The following PTPN4 variants were observed in gnomAD, a reference collection of about 807,000 sequenced individuals.
PTPN4 encodes protein tyrosine phosphatase non-receptor type 4.
Under a neutral mutation model 135.5 loss-of-function variants are expected in PTPN4, and 49 were observed. The observed-to-expected ratio is 0.36, with a 90% CI of 0.29 to 0.46. The LOEUF (loss-of-function observed/expected upper bound fraction) is 0.46, where lower values mean the gene tolerates loss of function less well. Ranked by LOEUF, PTPN4 falls within the 20% of genes least tolerant of loss-of-function variation. The pLI is 1.00. For missense variants in PTPN4, 860 were observed against 1,101.0 expected (o/e 0.78, Z 3.10); for synonymous variants, 333 against 369.9 (o/e 0.90, Z 1.14).
chr2:119,888,432 G>C (rs1057148518), intron 9 of PTPN4, among the ~76,000 whole-genome samples: 2 of 152,080 alleles, frequency 1.3e-5, no homozygotes, highest in African/African-American at 4.8e-5. Context: ...CCAGTTCTTA[G>C]GGGGAACAAT....
At chr2:119,889,938 A>G (rs749095457) in intron 9 of PTPN4, among the ~76,000 whole-genome samples, 13 of 152,194 alleles carry the variant, frequency 8.5e-5, no homozygotes, top group Non-Finnish European at 1.8e-4. Flanking sequence ...GGCCAAACAT[A>G]TGGCCTATCT....
At chr2:119,885,754 G>T (rs1441276670) in intron 8 of PTPN4, 41 bp from the exon 9 acceptor site, 2 of 1,344,328 alleles carry the variant, frequency 1.5e-6, no homozygotes, top group Admixed American at 2.3e-5. Context: ...TTATTTGATT[G>T]ATTGATTGAT....
Position 119,915,411 on chromosome 2 carries a change from CA to C in PTPN4, c.828+170del, listed in dbSNP as rs879004498. 62 of 467,564 alleles carry C rather than the reference CA, an allele frequency of 1.3e-4. No individual in the cohort carries two copies. The South Asian group carries it at 2.5e-3, about 19-fold the overall frequency. The allele number at this position is 467,564 out of a possible 1,614,324, so 29.0% of individuals were successfully genotyped here. On this transcript the variant is annotated intron_variant, in intron 11 of 26. Transcript: ENST00000263708. The stretch of plus-strand genomic sequence containing the variant: ...TTATAACAAAATGTACTTGTTTTTC[CA>C]GTGTGTATGTGGTTCTAATTTAAAG...
At chr2:119,885,999 C>A in intron 9 of PTPN4, 117 bp downstream of exon 9, 3 of 642,714 alleles carry the variant, frequency 4.7e-6, no homozygotes, top group Non-Finnish European at 7.7e-6. Flanking sequence ...CACAGCTGCA[C>A]TGAAAATTTC....
In PTPN4 at chr2:119,984,082, A is replaced by C. The variant is rs1249861197; in HGVS notation, c.*7012A>C. 6.6e-6 allele frequency among the ~76,000 whole-genome samples: 1 copy of C among 152,228 alleles called. No homozygotes were observed. The highest frequency in any genetic ancestry group is 1.5e-5 in the Non-Finnish European group (1 of 68,046). Reference sequence around the variant, plus strand: ...CCAGTAGACTCTATCTGCTTAAAAAAATAAAAATTGTTCAACCCAGTGTTC... The same window carrying C: ...CCAGTAGACTCTATCTGCTTAAAAACATAAAAATTGTTCAACCCAGTGTTC... On this transcript the variant is annotated 3_prime_UTR_variant, in exon 27 of 27. Coordinates refer to ENST00000263708, the MANE Select transcript of PTPN4 (RefSeq NM_002830.4).
chr2:119,863,854 T>TAG, intron 3 of PTPN4, among the ~76,000 whole-genome samples: 1 of 152,288 alleles, frequency 6.6e-6, no homozygotes, highest in East Asian at 1.9e-4. Context: ...TTCAGGGGCC[T>TAG]AGAGTTATAC....
intron 10 of PTPN4, among the ~76,000 whole-genome samples, chr2:119,904,572 C>T (rs1028648301): frequency 1.6e-4 from 25 of 152,036 alleles, no homozygotes; most frequent in African/African-American, 5.6e-4. Context: ...ACATTCAACC[C>T]GAAAAGGTCT....
At chr2:119,864,548 G>A (rs1334615329) in intron 3 of PTPN4, among the ~76,000 whole-genome samples, 2 of 151,954 alleles carry the variant, frequency 1.3e-5, no homozygotes. Flanking sequence ...CGGGGTAAGT[G>A]ACAAGATGAC....
intron 3 of PTPN4, 81 bp downstream of exon 3, chr2:119,862,724 GT>G: frequency 8.7e-7 from 1 of 1,147,552 alleles, no homozygotes; most frequent in Non-Finnish European, 1.2e-6. Context: ...GATTTACAGT[GT>G]TCACTGATTT....
At chr2:119,761,430 G>C (rs1558717165) in intron 1 of PTPN4, among the ~76,000 whole-genome samples, 1 of 152,142 alleles carries the variant, frequency 6.6e-6, no homozygotes, top group African/African-American at 2.4e-5. Flanking sequence ...TAATGGAATA[G>C]AGCTAGGTAT....
intron 1 of PTPN4, among the ~76,000 whole-genome samples, chr2:119,802,166 G>A (rs1691388485): frequency 6.6e-6 from 1 of 152,112 alleles, no homozygotes; most frequent in African/African-American, 2.4e-5. Flanking sequence ...GCCTCCCAAA[G>A]TGCTGGGATT....
In PTPN4 at chr2:119,951,076, G is replaced by C. The variant is rs1165394231; in HGVS notation, c.1657-897G>C. On this transcript the variant is annotated intron_variant, in intron 18 of 26. Transcript: ENST00000263708. ...TTCTTGTGAAAACTCATTATGAGTA[G>C]TTTAAACGGTGCTTGCCTCCTCCCC... 1.3e-5 allele frequency among the ~76,000 whole-genome samples: 2 copies of C among 152,204 alleles called. 1 individual carries two copies. Among genetic ancestry groups the C allele is most frequent in the Non-Finnish European group, 2.9e-5 (2 of 68,032 alleles).
intron 13 of PTPN4, among the ~76,000 whole-genome samples, chr2:119,931,200 C>T (rs1678900629): frequency 6.6e-6 from 1 of 151,944 alleles, no homozygotes; most frequent in South Asian, 2.1e-4. Context: ...TTATTATATA[C>T]TTTATATATG....
intron 26 of PTPN4, 24 bp from the exon 27 acceptor site, chr2:119,976,959 CT>C: frequency 6.3e-7 from 1 of 1,594,680 alleles, no homozygotes. Context: ...CTGATCAGTT[CT>C]GTTTTTTATA....
At chr2:119,907,611 GAA>G (rs34031784) in intron 10 of PTPN4, among the ~76,000 whole-genome samples, 4 of 150,620 alleles carry the variant, frequency 2.7e-5, no homozygotes, top group South Asian at 2.1e-4. Flanking sequence ...TCTCTATTAA[GAA>G]AAAAAAAAAT....
chr2:119,851,580 G>A (rs954599088), intron 2 of PTPN4, among the ~76,000 whole-genome samples: 3 of 152,178 alleles, frequency 2.0e-5, no homozygotes, highest in Non-Finnish European at 4.4e-5. Context: ...GATTTAGGAA[G>A]TTTTATACAT....
intron 1 of PTPN4, among the ~76,000 whole-genome samples, chr2:119,797,171 C>T (rs934150734): frequency 1.3e-5 from 2 of 152,006 alleles, no homozygotes; most frequent in African/African-American, 4.8e-5. Context: ...TTAACAGTGC[C>T]TTTTGAACAG....
At position 119,760,056 on chromosome 2, in the gene PTPN4, T is replaced by C. The variant is rs1222575615; in HGVS notation, c.-346T>C. ...GAGCGGGAGAGGAAAGAGACTTGGC[T>C]TTGGCCGCGGGGTCGGAGGATTGGG... is the stretch of plus-strand genomic sequence containing the variant. On this transcript the variant is annotated 5_prime_UTR_variant, in exon 1 of 27. Coordinates refer to ENST00000263708, the MANE Select transcript of PTPN4 (RefSeq NM_002830.4). The C allele has an allele frequency of 2.6e-6, 1 of 383,724 alleles. No homozygotes were observed. Among genetic ancestry groups the C allele is most frequent in the Non-Finnish European group, 4.6e-6 (1 of 216,968 alleles). The allele number at this position is 383,724 out of a possible 1,614,324, so 23.8% of individuals were successfully genotyped here.
At chr2:119,864,076 G>T (rs1009359732) in intron 3 of PTPN4, among the ~76,000 whole-genome samples, 3 of 152,126 alleles carry the variant, frequency 2.0e-5, no homozygotes, top group Non-Finnish European at 4.4e-5. Flanking sequence ...AAAGGTTCAA[G>T]TTTTTAAAGA....
Sources: allele counts gnomAD v4.1 joint callset (sites outside exome capture counted in the v4.1 genomes callset), GRCh38; gene constraint gnomAD v4.1.1; transcripts MANE v1.5; gene names NCBI Gene and HGNC (gene_info 2026-07-23, HGNC 2026-07-21).